OSBPL9: variants seen among roughly 807,000 people sequenced by gnomAD.
OSBPL9 encodes the protein oxysterol-binding protein-related protein 9.
OSBPL9 carries 40 observed loss-of-function variants against 106.6 expected under a neutral mutation model. That is an observed-to-expected ratio of 0.38 (90% CI 0.29 to 0.49). The LOEUF (loss-of-function observed/expected upper bound fraction) is 0.49, where lower values mean the gene tolerates loss of function less well. Ranked by LOEUF, OSBPL9 falls within the 20% of genes least tolerant of loss-of-function variation. The probability of loss-of-function intolerance (pLI) is 0.97; values close to 1 mark genes in which losing one functional copy is unlikely to be tolerated. For missense variants in OSBPL9, 609 were observed against 887.2 expected (o/e 0.69, Z 3.98); for synonymous variants, 269 against 295.4 (o/e 0.91, Z 0.92).
chr1:51,654,010 A>G (rs1051479214), intron 2 of OSBPL9, among the ~76,000 whole-genome samples: 3 of 151,276 alleles, frequency 2.0e-5, no homozygotes, highest in Non-Finnish European at 4.4e-5. Flanking sequence ...ACCCTATCTG[A>G]AAAAAAAGAA....
chr1:51,624,645 A>G (rs2148635533), intron 1 of OSBPL9, among the ~76,000 whole-genome samples: 1 of 152,272 alleles, frequency 6.6e-6, no homozygotes, highest in Middle Eastern at 3.4e-3. Flanking sequence ...GAAAAGACAT[A>G]AAGAAACTCT....
Position 51,748,357 on chromosome 1 carries a change from T to C in OSBPL9, c.463-12T>C. The stretch of plus-strand genomic sequence containing the variant: ...TCTGATTATTTCTGTTTAAACTTAT[T>C]ATTTTTCACAGAAAATTGAAACTCT... On this transcript the variant is annotated splice_polypyrimidine_tract_variant and intron_variant, in intron 6 of 23. Transcript: ENST00000428468. 1 of 1,519,202 alleles carries C rather than the reference T, an allele frequency of 6.6e-7. No individual in the cohort carries two copies. The highest frequency in any genetic ancestry group is 8.7e-7 in the Non-Finnish European group (1 of 1,143,554). 94.1% of individuals were successfully genotyped at this position (1,519,202 alleles called of 1,614,324 possible). A position where few individuals can be genotyped will look rare whatever the true frequency, so the allele number is the denominator to read the frequency against.
At chr1:51,624,956 C>T (rs2148636516) in intron 1 of OSBPL9, among the ~76,000 whole-genome samples, 1 of 152,292 alleles carries the variant, frequency 6.6e-6, no homozygotes, top group East Asian at 1.9e-4. Flanking sequence ...ATATGAATGG[C>T]CCTTCTAATT....
intron 2 of OSBPL9, among the ~76,000 whole-genome samples, chr1:51,603,117 T>C (rs564552371): frequency 2.3e-4 from 35 of 152,324 alleles, no homozygotes; most frequent in Middle Eastern, 3.4e-3. Flanking sequence ...ATCGTGCCAC[T>C]GTACTCCAGC....
Position 51,787,344 on chromosome 1 carries a change from T to C in OSBPL9, c.2001-9T>C, listed in dbSNP as rs755862836. ...AACATTGGCAGCTCCTCTTACCTCT[T>C]TGTTTTAGCCTTTGGAAGGATGTCA... is the stretch of plus-strand genomic sequence containing the variant. On this transcript the variant is annotated splice_polypyrimidine_tract_variant and intron_variant, in intron 22 of 23. Transcript: ENST00000428468. 1.2e-6 allele frequency: 2 copies of C among 1,613,258 alleles called. No individual in the cohort carries two copies. Among genetic ancestry groups the C allele is most frequent in the East Asian group, 2.2e-5 (1 of 44,874 alleles).
At chr1:51,529,649 T>C in the OSBPL9 span, among the ~76,000 whole-genome samples, 4 of 151,862 alleles carry the variant, frequency 2.6e-5, no homozygotes, top group Non-Finnish European at 4.4e-5. Flanking sequence ...AATAGTCAAT[T>C]GATTTTCAGC....
intron 21 of OSBPL9, chr1:51,786,282 ACTGC>A: frequency 6.5e-6 from 3 of 463,236 alleles, no homozygotes. Context: ...AAATTTACTG[ACTGC>A]CTGGCACCAG....
chr1:51,595,730 T>G (rs1557579180), intron 1 of OSBPL9, among the ~76,000 whole-genome samples: 1 of 152,156 alleles, frequency 6.6e-6, no homozygotes, highest in Non-Finnish European at 1.5e-5. Context: ...ATTTGTTGAT[T>G]ATTGTATTAT....
At chr1:51,730,910 C>T (rs1382310717) in intron 4 of OSBPL9, among the ~76,000 whole-genome samples, 5 of 152,108 alleles carry the variant, frequency 3.3e-5, no homozygotes, top group African/African-American at 1.2e-4. Context: ...AACTTTGAAA[C>T]TGGAAATTCT....
At chr1:51,705,397 ATATTTTTTTT>A (rs1412652789) in intron 3 of OSBPL9, among the ~76,000 whole-genome samples, 533 of 52,016 alleles carry the variant, frequency 0.01, 4 homozygotes, top group Non-Finnish European at 0.015. Context: ...ATATATATAT[ATATTTTTTTT>A]TTTTTTTTTT....
At chr1:51,646,453 T>A (rs1469265559) in intron 1 of OSBPL9, among the ~76,000 whole-genome samples, 1 of 152,234 alleles carries the variant, frequency 6.6e-6, no homozygotes, top group Non-Finnish European at 1.5e-5. Context: ...TTAATTTTTG[T>A]TATTGAATTT....
intron 1 of OSBPL9, among the ~76,000 whole-genome samples, chr1:51,638,539 A>G (rs1248362378): frequency 1.3e-5 from 2 of 151,842 alleles, no homozygotes; most frequent in African/African-American, 2.4e-5. Context: ...CCTGAGCAAC[A>G]TAGTGAGACT....
intron 15 of OSBPL9, among the ~76,000 whole-genome samples, chr1:51,779,421 A>T (rs907828263): frequency 6.6e-5 from 10 of 152,228 alleles, no homozygotes; most frequent in Non-Finnish European, 1.3e-4. Context: ...CAGAGACTTA[A>T]ATCTAAGACC....
chr1:51,522,627 C>T, the OSBPL9 span, among the ~76,000 whole-genome samples: 1 of 152,134 alleles, frequency 6.6e-6, no homozygotes, highest in South Asian at 2.1e-4. Flanking sequence ...TGTAGCCAAT[C>T]GAATATATGT....
At chr1:51,554,625 G>A in the OSBPL9 span, among the ~76,000 whole-genome samples, 1 of 152,212 alleles carries the variant, frequency 6.6e-6, no homozygotes, top group South Asian at 2.1e-4. Flanking sequence ...GTGAACATGA[G>A]TTCTTTCTCC....
chr1:51,681,287 A>G (rs1323246618), intron 3 of OSBPL9, among the ~76,000 whole-genome samples: 1 of 152,182 alleles, frequency 6.6e-6, no homozygotes, highest in East Asian at 1.9e-4. Flanking sequence ...CTTGCATGGT[A>G]TAGGAGGGTA....
Position 51,788,155 on chromosome 1 carries a change from TACACAC to T in OSBPL9, c.*378_*383del, listed in dbSNP as rs71247587. Reference sequence around the variant, plus strand: ...TTTCTTAGTTCATATAATCTCGGGATACACACACACACACACATATATATACACACA... The same window carrying T: ...TTTCTTAGTTCATATAATCTCGGGATACACACACACATATATATACACACA... On this transcript the variant is annotated 3_prime_UTR_variant, in exon 24 of 24. Transcript: ENST00000428468. The T allele has an allele frequency of 5.5e-5, 13 of 234,768 alleles. No individual in the cohort carries two copies. Among genetic ancestry groups the T allele is most frequent in the Non-Finnish European group, 1.0e-4 (12 of 118,402 alleles). The allele number at this position is 234,768 out of a possible 1,614,324, so 14.5% of individuals were successfully genotyped here. A position where few individuals can be genotyped will look rare whatever the true frequency, so the allele number is the denominator to read the frequency against.
intron 4 of OSBPL9, among the ~76,000 whole-genome samples, chr1:51,722,162 A>AATAGATAGATAG (rs3991279): frequency 0.02 from 2,985 of 147,038 alleles, 47 homozygotes; most frequent in East Asian, 0.05. Context: ...CTCTAAAATA[A>AATAGATAGATAG]ATAGATAGAT....
At chr1:51,722,980 GCAA>G (rs1458313238) in intron 4 of OSBPL9, among the ~76,000 whole-genome samples, 1 of 152,342 alleles carries the variant, frequency 6.6e-6, no homozygotes. Flanking sequence ...AACAACAACA[GCAA>G]CAACAACAAC....
Sources: gnomAD v4.1 joint callset for allele counts (sites outside exome capture counted in the v4.1 genomes callset) on GRCh38, gnomAD v4.1.1 for gene constraint, MANE v1.5 for transcripts, NCBI Gene and HGNC (gene_info 2026-07-23, HGNC 2026-07-21) for gene names.